The following TMEM232 variants were observed in gnomAD, a reference collection of about 807,000 sequenced individuals.
The protein encoded by TMEM232 is transmembrane protein 232.
In TMEM232, 80 loss-of-function variants were observed where a neutral mutation model predicts 78.8. That is an observed-to-expected ratio of 1.01 (90% CI 0.85 to 1.22). The LOEUF is 1.22. TMEM232 is among the 50% of genes most tolerant of loss of function. The probability of loss-of-function intolerance (pLI) is 0.00; values close to 1 mark genes in which losing one functional copy is unlikely to be tolerated. For synonymous variants in TMEM232, 297 were observed against 254.3 expected (o/e 1.17, Z -1.60); for missense variants, 881 against 742.2 (o/e 1.19, Z -2.17).
chr5:110,730,075 G>A (rs927046516), upstream of TMEM232, among the ~76,000 whole-genome samples: 1 of 152,162 alleles, frequency 6.6e-6, no homozygotes, highest in African/African-American at 2.4e-5. Flanking sequence ...TCAGGAAAGA[G>A]ATGAAACTAT....
At chr5:110,599,395 G>C (rs1409558347) in intron 10 of TMEM232, among the ~76,000 whole-genome samples, 1 of 152,098 alleles carries the variant, frequency 6.6e-6, no homozygotes, top group Non-Finnish European at 1.5e-5. Flanking sequence ...AAAGAGTCAA[G>C]ATCCATCAGT....
intron 2 of TMEM232, among the ~76,000 whole-genome samples, chr5:110,400,348 GA>G (rs1755544493): frequency 6.6e-6 from 1 of 152,014 alleles, no homozygotes; most frequent in African/African-American, 2.4e-5. Context: ...TTTGATGTGA[GA>G]AATACAATTT....
chr5:110,466,359 A>G (rs1464824609), intron 12 of TMEM232, among the ~76,000 whole-genome samples: 1 of 152,168 alleles, frequency 6.6e-6, no homozygotes, highest in Admixed American at 6.5e-5. Flanking sequence ...GGAGGAAATT[A>G]TTTTTTTAAA....
Position 110,473,439 on chromosome 5 carries a change from C to T in TMEM232, c.1704-48523G>A, listed in dbSNP as rs571809834. The stretch of plus-strand genomic sequence containing the variant: ...CTAAAAAACAAAAGATAAGTGTTGC[C>T]AAGGATGTGAAGAAAAGGGAACCCT... On this transcript the variant is annotated intron_variant, in intron 12 of 13. Coordinates refer to ENST00000455884, the MANE Select transcript of TMEM232 (RefSeq NM_001039763.4). Among the ~76,000 whole-genome samples, 19 of 151,310 alleles carry T rather than the reference C, an allele frequency of 1.3e-4. No individual in the cohort carries two copies. In the South Asian group the frequency reaches 3.8e-3, roughly 30 times the overall value.
chr5:110,473,198 G>C (rs544834846), intron 12 of TMEM232, among the ~76,000 whole-genome samples: 1 of 151,892 alleles, frequency 6.6e-6, no homozygotes, highest in Admixed American at 6.6e-5. Context: ...CTTCTGACAA[G>C]AGGTTAATAA....
chr5:110,519,945 G>A (rs866761424), intron 12 of TMEM232, among the ~76,000 whole-genome samples: 4 of 150,980 alleles, frequency 2.6e-5, no homozygotes, highest in Admixed American at 2.0e-4. Flanking sequence ...ATGGAGAATA[G>A]AATGATGGCT....
chr5:110,715,319 G>A (rs1033287149), intron 1 of TMEM232, among the ~76,000 whole-genome samples: 6 of 151,970 alleles, frequency 3.9e-5, no homozygotes, highest in Non-Finnish European at 7.4e-5. Flanking sequence ...TATAAATTTT[G>A]TAATTAAAAG....
intron 12 of TMEM232, among the ~76,000 whole-genome samples, chr5:110,441,596 A>G (rs1759050140): frequency 6.6e-6 from 1 of 152,162 alleles, no homozygotes; most frequent in African/African-American, 2.4e-5. Context: ...ACTACAGACT[A>G]TGACAAAGAT....
chr5:110,609,042 T>C (rs182449504), intron 8 of TMEM232, among the ~76,000 whole-genome samples: 61 of 152,230 alleles, frequency 4.0e-4, no homozygotes, highest in Admixed American at 1.5e-3. Context: ...CACACATTTA[T>C]AGAAGTTAGG....
chr5:110,586,002 G>A (rs1033689966), intron 10 of TMEM232, among the ~76,000 whole-genome samples: 1 of 152,114 alleles, frequency 6.6e-6, no homozygotes, highest in African/African-American at 2.4e-5. Context: ...TCGAACTTCT[G>A]ACTTATAGGT....
chr5:110,678,608 A>G (rs1792326865), intron 1 of TMEM232, among the ~76,000 whole-genome samples: 1 of 152,150 alleles, frequency 6.6e-6, no homozygotes, highest in Non-Finnish European at 1.5e-5. Flanking sequence ...GTATAATGTC[A>G]TGTATGCATT....
intron 1 of TMEM232, among the ~76,000 whole-genome samples, chr5:110,689,225 G>C (rs10038233): frequency 0.17 from 26,022 of 151,996 alleles, 3,147 homozygotes; most frequent in African/African-American, 0.34. Flanking sequence ...CAAGGGCAGG[G>C]CTAATAACAA....
intron 11 of TMEM232, among the ~76,000 whole-genome samples, chr5:110,536,780 G>T (rs1772412740): frequency 6.6e-6 from 1 of 152,192 alleles, no homozygotes; most frequent in Non-Finnish European, 1.5e-5. Flanking sequence ...TGGGAATGTT[G>T]TAGATGGTCT....
chr5:110,632,572 C>T (rs899881738), intron 5 of TMEM232, among the ~76,000 whole-genome samples: 2 of 151,924 alleles, frequency 1.3e-5, no homozygotes, highest in African/African-American at 4.8e-5. Context: ...AAGAACCAAA[C>T]AAAATCTGGA....
At chr5:110,729,339 T>G (rs1798454339), upstream of TMEM232, among the ~76,000 whole-genome samples, 1 of 152,188 alleles carries the variant, frequency 6.6e-6, no homozygotes. Context: ...ACTCCTCAAC[T>G]GCTGCCACAA....
At chr5:110,515,617 A>C (rs912445694) in intron 12 of TMEM232, among the ~76,000 whole-genome samples, 7 of 152,208 alleles carry the variant, frequency 4.6e-5, no homozygotes, top group African/African-American at 1.7e-4. Context: ...TTCAAAATGT[A>C]AACCATGTAC....
chr5:110,726,055 C>T (rs996475797), intron 1 of TMEM232, among the ~76,000 whole-genome samples: 6 of 151,372 alleles, frequency 4.0e-5, no homozygotes, highest in Non-Finnish European at 7.4e-5. Flanking sequence ...TCAAGATTAA[C>T]GGCTTTTAAA....
chr5:110,662,801 T>G (rs1210740880), intron 2 of TMEM232, among the ~76,000 whole-genome samples: 1 of 152,120 alleles, frequency 6.6e-6, no homozygotes, highest in East Asian at 1.9e-4. Flanking sequence ...AAATCAGACT[T>G]GTGCTTAATA....
chr5:110,652,932 T>C (rs931536585), intron 2 of TMEM232, among the ~76,000 whole-genome samples: 2 of 152,240 alleles, frequency 1.3e-5, no homozygotes, highest in Non-Finnish European at 2.9e-5. Flanking sequence ...AAAATATTTA[T>C]ACTGAAGTCT....
Sources: gnomAD v4.1 joint callset for allele counts (sites outside exome capture counted in the v4.1 genomes callset) on GRCh38, gnomAD v4.1.1 for gene constraint, MANE v1.5 for transcripts, NCBI Gene and HGNC (gene_info 2026-07-23, HGNC 2026-07-21) for gene names.